NCKAP5: variants seen among roughly 807,000 people sequenced by gnomAD.
NCKAP5 encodes the protein NCK associated protein 5.
NCKAP5 carries 92 observed loss-of-function variants against 167.0 expected under a neutral mutation model. The ratio of observed to expected loss-of-function variants is 0.55; its 90% CI spans 0.47 to 0.66. The LOEUF is 0.66. Ranked by LOEUF, NCKAP5 falls within the 30% of genes least tolerant of loss-of-function variation. NCKAP5 has a pLI of 0.00. For missense variants in NCKAP5, 2,378 were observed against 2,315.0 expected (o/e 1.03, Z -0.56); for synonymous variants, 891 against 877.4 (o/e 1.02, Z -0.27).
rs1683055220 is a variant in NCKAP5, at chr2:132,781,817, A to G, written c.4871+123T>C. 4 of 847,576 alleles carry G rather than the reference A, an allele frequency of 4.7e-6. No individual in the cohort carries two copies. In the East Asian group the frequency reaches 1.0e-4, roughly 21 times the overall value. The allele number at this position is 847,576 out of a possible 1,614,324, so 52.5% of individuals were successfully genotyped here. ...GGCTAATGTATAAAAGACTGCTACTATTCATTTCTGCCTGTATGAAAAAAC... is the reference window on the plus strand; with the variant it reads ...GGCTAATGTATAAAAGACTGCTACTGTTCATTTCTGCCTGTATGAAAAAAC... On this transcript the variant is annotated intron_variant, in intron 14 of 19. Transcript: ENST00000409261.
chr2:132,914,012 G>A (rs1442517830), intron 8 of NCKAP5, among the ~76,000 whole-genome samples: 1 of 152,158 alleles, frequency 6.6e-6, no homozygotes, highest in Admixed American at 6.5e-5. Flanking sequence ...GATTCTTAAA[G>A]TAAACATATA....
chr2:132,851,394 G>A (rs1267761080), intron 11 of NCKAP5, among the ~76,000 whole-genome samples: 3 of 152,178 alleles, frequency 2.0e-5, no homozygotes, highest in Non-Finnish European at 4.4e-5. Flanking sequence ...ATTAGGATAT[G>A]AGAGTATCTT....
At chr2:133,470,618 C>T (rs184619737) in intron 3 of NCKAP5, among the ~76,000 whole-genome samples, 27 of 152,316 alleles carry the variant, frequency 1.8e-4, no homozygotes, top group African/African-American at 4.1e-4. Context: ...GCCTCGCTGC[C>T]GCCTTGCAGT....
At chr2:132,694,596 C>G (rs1687132669) in intron 19 of NCKAP5, among the ~76,000 whole-genome samples, 1 of 152,178 alleles carries the variant, frequency 6.6e-6, no homozygotes. Flanking sequence ...CCACAATATG[C>G]TAGGGGAAAA....
At chr2:133,343,978 C>T (rs1381355770) in intron 3 of NCKAP5, among the ~76,000 whole-genome samples, 1 of 152,162 alleles carries the variant, frequency 6.6e-6, no homozygotes, top group Non-Finnish European at 1.5e-5. Context: ...CCCCAGCTCA[C>T]CCTTGAATGT....
intron 3 of NCKAP5, among the ~76,000 whole-genome samples, chr2:133,440,293 G>C (rs1690751686): frequency 6.6e-6 from 1 of 152,134 alleles, no homozygotes; most frequent in African/African-American, 2.4e-5. Context: ...TTGTAGTATA[G>C]GCATAAAAAT....
chr2:132,827,938 G>C (rs1687246928), intron 11 of NCKAP5, among the ~76,000 whole-genome samples: 1 of 152,108 alleles, frequency 6.6e-6, no homozygotes, highest in Non-Finnish European at 1.5e-5. Flanking sequence ...AGTCCTTAGG[G>C]GAAGCAGTAC....
chr2:133,660,059 C>A, the NCKAP5 span, among the ~76,000 whole-genome samples: 1 of 152,178 alleles, frequency 6.6e-6, no homozygotes, highest in African/African-American at 2.4e-5. Context: ...AGCAATTGGA[C>A]TAACACATGC....
At chr2:133,106,513 C>T (rs2081706837) in intron 6 of NCKAP5, among the ~76,000 whole-genome samples, 1 of 152,150 alleles carries the variant, frequency 6.6e-6, no homozygotes, top group Admixed American at 6.5e-5. Context: ...TTCTTCCACT[C>T]TCCAGAGGAG....
At chr2:132,714,812 C>CCA in intron 19 of NCKAP5, 1 of 373,824 alleles carries the variant, frequency 2.7e-6, no homozygotes, top group Non-Finnish European at 5.2e-6. Context: ...GAATCCATCT[C>CCA]AAAAAAAAAA....
intron 7 of NCKAP5, among the ~76,000 whole-genome samples, chr2:132,981,976 C>T (rs774733983): frequency 1.3e-5 from 2 of 152,160 alleles, no homozygotes; most frequent in Non-Finnish European, 2.9e-5. Context: ...CTGGGTTTGG[C>T]ACTCCTGAGG....
intron 3 of NCKAP5, among the ~76,000 whole-genome samples, chr2:133,398,409 G>A (rs994838431): frequency 6.6e-6 from 1 of 152,106 alleles, no homozygotes; most frequent in Non-Finnish European, 1.5e-5. Flanking sequence ...TTCTGCTCAT[G>A]TCTCTTAAAA....
intron 4 of NCKAP5, among the ~76,000 whole-genome samples, chr2:133,237,851 T>C (rs2087495574): frequency 6.6e-6 from 1 of 152,214 alleles, no homozygotes; most frequent in South Asian, 2.1e-4. Context: ...GGAAACCTCA[T>C]GCACTCAGAC....
chr2:133,329,957 GA>G (rs1682718733), intron 3 of NCKAP5, among the ~76,000 whole-genome samples: 2 of 151,810 alleles, frequency 1.3e-5, no homozygotes, highest in African/African-American at 4.8e-5. Context: ...CCTTTTACCG[GA>G]GGGGCCAGCG....
intron 11 of NCKAP5, among the ~76,000 whole-genome samples, chr2:132,848,733 G>A (rs1264210051): frequency 1.3e-5 from 2 of 152,198 alleles, no homozygotes; most frequent in East Asian, 3.8e-4. Flanking sequence ...TGAGGCAGAA[G>A]GGTCACTTGA....
intron 4 of NCKAP5, among the ~76,000 whole-genome samples, chr2:133,299,363 G>T (rs978795317): frequency 6.6e-6 from 1 of 152,098 alleles, no homozygotes; most frequent in African/African-American, 2.4e-5. Context: ...TTTGGATGAG[G>T]TCTAGCAAGA....
At chr2:132,927,858 T>A (rs1445719917) in intron 8 of NCKAP5, among the ~76,000 whole-genome samples, 1 of 152,126 alleles carries the variant, frequency 6.6e-6, no homozygotes, top group Non-Finnish European at 1.5e-5. Context: ...GGCAAAGGGG[T>A]TCACCAAGAT....
chr2:133,009,552 G>C (rs2078081464), intron 6 of NCKAP5, among the ~76,000 whole-genome samples: 1 of 152,088 alleles, frequency 6.6e-6, no homozygotes, highest in Admixed American at 6.6e-5. Flanking sequence ...ATTGTTTCCT[G>C]ATGTATTCAT....
chr2:132,934,935 C>T (rs951570352), intron 8 of NCKAP5, among the ~76,000 whole-genome samples: 3 of 152,162 alleles, frequency 2.0e-5, no homozygotes, highest in Non-Finnish European at 4.4e-5. Context: ...CAGGTAGCTG[C>T]CCTAATTTGT....
Sources: allele counts gnomAD v4.1 joint callset (sites outside exome capture counted in the v4.1 genomes callset), GRCh38; gene constraint gnomAD v4.1.1; transcripts MANE v1.5; gene names NCBI Gene and HGNC (gene_info 2026-07-23, HGNC 2026-07-21).